The following SLC2A9 variants were observed in gnomAD, a reference collection of about 807,000 sequenced individuals.
The protein encoded by SLC2A9 is solute carrier family 2 member 9.
Under a neutral mutation model 50.6 loss-of-function variants are expected in SLC2A9, and 39 were observed. The ratio of observed to expected loss-of-function variants is 0.77; its 90% CI spans 0.60 to 1.01. SLC2A9 has a LOEUF of 1.01. SLC2A9 is among the 50% of genes least tolerant of loss of function. The pLI, the probability that SLC2A9 is intolerant of heterozygous loss-of-function variation, is 0.00. For missense variants in SLC2A9, 686 were observed against 677.6 expected (o/e 1.01, Z -0.14); for synonymous variants, 324 against 276.9 (o/e 1.17, Z -1.69).
intron 10 of SLC2A9, among the ~76,000 whole-genome samples, chr4:9,835,979 C>G (rs1172731967): frequency 6.8e-6 from 1 of 147,644 alleles, no homozygotes; most frequent in African/African-American, 2.5e-5. Flanking sequence ...CCCGGCTACT[C>G]GAGAGGCTGA....
At chr4:9,882,073 G>T (rs1053702167) in intron 10 of SLC2A9, among the ~76,000 whole-genome samples, 3 of 152,222 alleles carry the variant, frequency 2.0e-5, no homozygotes, top group African/African-American at 7.2e-5. Flanking sequence ...GATAATACCT[G>T]AAGCAGGAAT....
intron 10 of SLC2A9, among the ~76,000 whole-genome samples, chr4:9,875,934 A>G (rs1734246338): frequency 6.6e-6 from 1 of 152,226 alleles, no homozygotes; most frequent in African/African-American, 2.4e-5. Context: ...GGGGCACCAA[A>G]CAAAGCCATA....
chr4:9,891,817 A>C (rs1737499037), intron 8 of SLC2A9, among the ~76,000 whole-genome samples: 1 of 152,146 alleles, frequency 6.6e-6, no homozygotes, highest in Non-Finnish European at 1.5e-5. Context: ...GTGGGGGAAA[A>C]GGTTTTGGGG....
At chr4:9,923,279 A>C (rs73804453) in intron 6 of SLC2A9, among the ~76,000 whole-genome samples, 152 of 152,328 alleles carry the variant, frequency 1.0e-3, no homozygotes, top group African/African-American at 3.5e-3. Context: ...TGGTCAAGGA[A>C]TAGGCCGAGG....
intron 5 of SLC2A9, among the ~76,000 whole-genome samples, chr4:9,964,900 A>T (rs1341078356): frequency 6.6e-6 from 1 of 152,308 alleles, no homozygotes; most frequent in Non-Finnish European, 1.5e-5. Context: ...CAGGAAGCTC[A>T]AGTCCCACTG....
At chr4:9,834,736 A>G in intron 11 of SLC2A9, 145 bp downstream of exon 11, 3 of 1,339,088 alleles carry the variant, frequency 2.2e-6, no homozygotes, top group Non-Finnish European at 3.1e-6. Context: ...GGTTTTGCCC[A>G]AAGCATAGTT....
chr4:9,810,927 T>G (rs1722804347), intron 3 of SLC2A9, among the ~76,000 whole-genome samples: 1 of 152,254 alleles, frequency 6.6e-6, no homozygotes, highest in Non-Finnish European at 1.5e-5. Context: ...CAGAGCCTGT[T>G]TTGAACCACA....
intron 2 of SLC2A9, 126 bp downstream of exon 2, chr4:10,018,847 ATC>A (rs1322203077): frequency 2.3e-6 from 2 of 868,052 alleles, no homozygotes; most frequent in African/African-American, 1.7e-5. Context: ...GTGGGGGCTA[ATC>A]TCTGTCCCCG....
At chr4:10,034,641 C>T (rs1022367153) in intron 1 of SLC2A9, 5 of 152,410 alleles carry the variant, frequency 3.3e-5, no homozygotes, top group African/African-American at 9.6e-5. Flanking sequence ...CCCTTCCACT[C>T]ATGGGGCTTC....
chr4:9,923,255 A>G (rs1744256314), intron 6 of SLC2A9, among the ~76,000 whole-genome samples: 1 of 152,222 alleles, frequency 6.6e-6, no homozygotes, highest in South Asian at 2.1e-4. Flanking sequence ...TCTGTAAGGT[A>G]CATGGATGTG....
In SLC2A9 at chr4:9,920,469, C is replaced by G; in HGVS notation, c.918G>C (p.Glu306Asp). ...AGCGGACGTAGGGAGCTCTCAGCAGCTCCAGCACGGACACCAGGCGGATGC... is the reference window on the plus strand; with the variant it reads ...AGCGGACGTAGGGAGCTCTCAGCAGGTCCAGCACGGACACCAGGCGGATGC... ...QRSIRLVSVL[E>D]LLRAPYVRWQ... Residue 306 changes from glutamate (E) to aspartate (D), a missense_variant, in exon 7 of 12, where the codon GAG becomes GAC. Coordinates refer to ENST00000264784, the MANE Select transcript of SLC2A9 (RefSeq NM_020041.3). 1 of 1,614,170 alleles carries G rather than the reference C, an allele frequency of 6.2e-7. No individual in the cohort carries two copies. Among genetic ancestry groups the G allele is most frequent in the Non-Finnish European group, 8.5e-7 (1 of 1,180,026 alleles).
chr4:9,865,278 G>A (rs1395060600), intron 10 of SLC2A9, among the ~76,000 whole-genome samples: 3 of 152,214 alleles, frequency 2.0e-5, no homozygotes, highest in East Asian at 1.9e-4. Flanking sequence ...GACCATGCGC[G>A]GGAGAGCCCC....
chr4:9,838,898 C>A (rs1421736142), intron 10 of SLC2A9, among the ~76,000 whole-genome samples: 1 of 152,098 alleles, frequency 6.6e-6, no homozygotes, highest in Non-Finnish European at 1.5e-5. Flanking sequence ...ACTATAGAAA[C>A]CCTGGAAGAC....
At chr4:9,832,833 C>G (rs1369538201) in intron 11 of SLC2A9, among the ~76,000 whole-genome samples, 1 of 152,140 alleles carries the variant, frequency 6.6e-6, no homozygotes, top group Non-Finnish European at 1.5e-5. Context: ...GGGCACACAG[C>G]AAGCATTCAG....
At chr4:9,777,651 A>G (rs1040217038), downstream of SLC2A9, among the ~76,000 whole-genome samples, 3 of 152,234 alleles carry the variant, frequency 2.0e-5, no homozygotes, top group Admixed American at 6.5e-5. Flanking sequence ...CTCATTACCA[A>G]CAAAGATTTG....
chr4:9,940,906 C>CA (rs1451685621), intron 6 of SLC2A9, among the ~76,000 whole-genome samples: 1 of 152,166 alleles, frequency 6.6e-6, no homozygotes, highest in African/African-American at 2.4e-5. Context: ...CTAAAATGCA[C>CA]AGAGTTCTCA....
chr4:9,911,021 G>T (rs188043032), intron 7 of SLC2A9, among the ~76,000 whole-genome samples: 51 of 152,018 alleles, frequency 3.4e-4, no homozygotes, highest in East Asian at 1.2e-3. Flanking sequence ...CTAGAGGAGG[G>T]ATGGCATTAG....
chr4:9,986,020 C>A lies in SLC2A9; in HGVS notation c.411-227G>T, dbSNP rs113066868. Among the ~76,000 whole-genome samples the A allele has an allele frequency of 5.9e-5, 9 of 152,198 alleles. No homozygotes were observed. The South Asian group carries it at 1.0e-3, about 17-fold the overall frequency. The stretch of plus-strand genomic sequence containing the variant: ...CCATCAGCCTTGACATCTATGAATT[C>A]TCTGTGGTAGTATTTTATTGCTTTA... On this transcript the variant is annotated intron_variant, in intron 3 of 11. Coordinates refer to ENST00000264784, the MANE Select transcript of SLC2A9 (RefSeq NM_020041.3).
intron 1 of SLC2A9, among the ~76,000 whole-genome samples, chr4:10,036,652 C>T (rs377086130): frequency 3.8e-4 from 58 of 152,284 alleles, no homozygotes; most frequent in Non-Finnish European, 6.8e-4. Flanking sequence ...TTTAACCAGT[C>T]GGTCATTTGG....
Sources: gnomAD v4.1 joint callset for allele counts (sites outside exome capture counted in the v4.1 genomes callset) on GRCh38, gnomAD v4.1.1 for gene constraint, MANE v1.5 for transcripts, NCBI Gene and HGNC (gene_info 2026-07-23, HGNC 2026-07-21) for gene names.